The following IFT88 variants were observed in gnomAD, a reference collection of about 807,000 sequenced individuals.
The protein encoded by IFT88 is intraflagellar transport 88.
A neutral mutation model predicts 119.5 loss-of-function variants in IFT88; 74 were observed. The observed-to-expected ratio is 0.62, with a 90% CI of 0.51 to 0.75. IFT88 has a LOEUF of 0.75. IFT88 is among the 30% of genes least tolerant of loss of function. The pLI is 0.00. For synonymous variants in IFT88, 279 were observed against 316.7 expected (o/e 0.88, Z 1.26); for missense variants, 961 against 977.7 (o/e 0.98, Z 0.23).
chr13:20,678,503 G>C (rs766588434), intron 24 of IFT88, among the ~76,000 whole-genome samples: 4 of 152,188 alleles, frequency 2.6e-5, no homozygotes, highest in African/African-American at 9.7e-5. Flanking sequence ...AACAGGCCCT[G>C]GCTGATTATC....
chr13:20,578,697 G>A (rs982525828), intron 2 of IFT88, among the ~76,000 whole-genome samples: 5 of 151,956 alleles, frequency 3.3e-5, no homozygotes, highest in African/African-American at 1.2e-4. Context: ...TTACAGGCAT[G>A]TGCCACCACG....
chr13:20,643,438 A>C lies in IFT88; in HGVS notation c.1683-17A>C. ...TGAATTTAGAAAACATGTTTTCCTT[A>C]ACTGACATTGCATAAGATATGAATT... On this transcript the variant is annotated splice_polypyrimidine_tract_variant and intron_variant, in intron 18 of 25. Coordinates refer to ENST00000351808, the MANE Select transcript of IFT88 (RefSeq NM_006531.5). The C allele has an allele frequency of 1.3e-6, 2 of 1,571,698 alleles. No homozygotes were observed. Among genetic ancestry groups the C allele is most frequent in the Non-Finnish European group, 1.7e-6 (2 of 1,163,112 alleles).
intron 20 of IFT88, among the ~76,000 whole-genome samples, chr13:20,652,216 A>C (rs552616426): frequency 6.6e-6 from 1 of 152,330 alleles, no homozygotes; most frequent in South Asian, 2.1e-4. Flanking sequence ...ATTTTGGCAA[A>C]TGTTATGTTG....
At chr13:20,614,547 G>A (rs1165265126) in intron 13 of IFT88, 3 of 152,104 alleles carry the variant, frequency 2.0e-5, no homozygotes, top group Non-Finnish European at 4.4e-5. Flanking sequence ...CAGATTAATG[G>A]TTGTTAGGAG....
At chr13:20,624,123 G>A (rs963817882) in intron 14 of IFT88, among the ~76,000 whole-genome samples, 17 of 152,086 alleles carry the variant, frequency 1.1e-4, no homozygotes, top group Admixed American at 2.6e-4. Context: ...AGCTTGGTAC[G>A]CAATCCAAAT....
At chr13:20,653,820 A>C in intron 20 of IFT88, 56 bp from the exon 21 acceptor site, 1 of 961,694 alleles carries the variant, frequency 1.0e-6, no homozygotes, top group East Asian at 2.5e-5. Flanking sequence ...GCTTTATAAA[A>C]CTGAGCATCA....
intron 1 of IFT88, among the ~76,000 whole-genome samples, chr13:20,570,992 T>A (rs1312211639): frequency 6.6e-6 from 1 of 152,036 alleles, no homozygotes; most frequent in Non-Finnish European, 1.5e-5. Flanking sequence ...TTATTTATTT[T>A]TATTATTTAT....
At position 20,605,041 on chromosome 13, in the gene IFT88, C is replaced by T; in HGVS notation, c.1048C>T (p.Pro350Ser). The T allele has an allele frequency of 7.0e-7, 1 of 1,421,196 alleles. No individual in the cohort carries two copies. Among genetic ancestry groups the T allele is most frequent in the South Asian group, 1.2e-5 (1 of 84,968 alleles). The allele number at this position is 1,421,196 out of a possible 1,614,324, so 88.0% of individuals were successfully genotyped here. The change falls in exon 13 of 26, where the codon CCT becomes TCT. Residue 350 changes from proline to serine, a missense_variant. Physicochemically the swap from Pro to Ser is moderately conservative, Grantham distance 74. Transcript: ENST00000351808. ...EDKYISPSDD[P>S]HTNLVTEAIK... ...TTCCATTTTATTTTACCAGGATGATCCTCATACTAACTTAGTAACTGAAGC... is the reference window on the plus strand; with the variant it reads ...TTCCATTTTATTTTACCAGGATGATTCTCATACTAACTTAGTAACTGAAGC...
Position 20,592,362 on chromosome 13 carries a change from C to T in IFT88, c.356C>T (p.Ser119Leu), listed in dbSNP as rs776831267. Residue 119 changes from serine (S) to leucine (L), a missense_variant, in exon 7 of 26, where the codon TCA becomes TTA. Coordinates refer to ENST00000351808, the MANE Select transcript of IFT88 (RefSeq NM_006531.5). ...RGSAFDPLSQ[S>L]RGPASPLEAK... Reference sequence around the variant, plus strand: ...TCTGCATTTGACCCCCTTAGTCAGTCAAGGGGCCCTGCTTCCCCTTTGGAA... The same window carrying T: ...TCTGCATTTGACCCCCTTAGTCAGTTAAGGGGCCCTGCTTCCCCTTTGGAA... The T allele has an allele frequency of 1.1e-5, 18 of 1,611,310 alleles. No individual in the cohort carries two copies. In the African/African-American group the frequency reaches 2.3e-4, roughly 20 times the overall value.
intron 14 of IFT88, among the ~76,000 whole-genome samples, chr13:20,618,489 A>G (rs1046573819): frequency 3.9e-5 from 6 of 152,202 alleles, no homozygotes; most frequent in Non-Finnish European, 8.8e-5. Flanking sequence ...GTGGTAGACT[A>G]GTTGAATCAG....
chr13:20,648,185 C>T (rs1307154871), intron 20 of IFT88, among the ~76,000 whole-genome samples: 3 of 152,180 alleles, frequency 2.0e-5, no homozygotes, highest in Non-Finnish European at 2.9e-5. Context: ...CACCTGAGGT[C>T]AGGAGTTCAA....
chr13:20,630,349 T>C (rs999373506), intron 15 of IFT88, among the ~76,000 whole-genome samples: 3 of 152,208 alleles, frequency 2.0e-5, no homozygotes, highest in Admixed American at 2.0e-4. Context: ...ATATTTTTAG[T>C]ATTTTCTATA....
intron 9 of IFT88, among the ~76,000 whole-genome samples, chr13:20,597,467 G>A (rs367982584): frequency 2.0e-5 from 3 of 152,022 alleles, no homozygotes; most frequent in Admixed American, 6.6e-5. Flanking sequence ...ATATGTAGCC[G>A]GGTGCCGTGG....
At chr13:20,604,367 T>C (rs184326793) in intron 12 of IFT88, among the ~76,000 whole-genome samples, 7 of 152,350 alleles carry the variant, frequency 4.6e-5, no homozygotes, top group Admixed American at 4.6e-4. Flanking sequence ...TCTGTGTTTT[T>C]AATGGGGAGT....
chr13:20,655,637 G>C (rs1038684049), intron 21 of IFT88, among the ~76,000 whole-genome samples: 5 of 151,902 alleles, frequency 3.3e-5, no homozygotes, highest in Non-Finnish European at 4.4e-5. Flanking sequence ...GGGTTTATAG[G>C]TGTGTGCCAC....
chr13:20,630,984 GT>G lies in IFT88; in HGVS notation c.1300-31del, dbSNP rs768556724. ...TAAGCTTGAGTACTGTCATATTACA[GT>G]GGTAGTAACCTTCAGATATTCCATT... is the stretch of plus-strand genomic sequence containing the variant. On this transcript the variant is annotated intron_variant, in intron 15 of 25. Coordinates refer to ENST00000351808, the MANE Select transcript of IFT88 (RefSeq NM_006531.5). 17 of 1,222,852 alleles carry G rather than the reference GT, an allele frequency of 1.4e-5. No homozygotes were observed. The East Asian group carries it at 4.2e-4, about 30-fold the overall frequency. 75.8% of individuals were successfully genotyped at this position (1,222,852 alleles called of 1,614,324 possible).
chr13:20,582,107 T>G (rs1363070852), intron 2 of IFT88, among the ~76,000 whole-genome samples: 3 of 152,062 alleles, frequency 2.0e-5, no homozygotes, highest in Non-Finnish European at 4.4e-5. Flanking sequence ...AGAACTGCAT[T>G]TAATGTGTCT....
intron 13 of IFT88, among the ~76,000 whole-genome samples, chr13:20,611,637 C>G (rs1330352321): frequency 6.6e-6 from 1 of 151,142 alleles, no homozygotes; most frequent in African/African-American, 2.4e-5. Context: ...TGGAATCTTG[C>G]TCTGTTGCCC....
At chr13:20,614,492 T>C (rs2045241928) in intron 13 of IFT88, 2 of 152,184 alleles carry the variant, frequency 1.3e-5, no homozygotes, top group Admixed American at 1.3e-4. Flanking sequence ...ACCTTATTCT[T>C]TATATATAAC....
Sources: allele counts gnomAD v4.1 joint callset (sites outside exome capture counted in the v4.1 genomes callset), GRCh38; gene constraint gnomAD v4.1.1; transcripts MANE v1.5; gene names NCBI Gene and HGNC (gene_info 2026-07-23, HGNC 2026-07-21).